The following FANCA variants were observed in gnomAD, a reference collection of about 807,000 sequenced individuals.
The protein encoded by FANCA is Fanconi anemia group A protein.
A neutral mutation model predicts 194.3 loss-of-function variants in FANCA; 236 were observed. The ratio of observed to expected loss-of-function variants is 1.21; its 90% CI spans 1.09 to 1.35. The LOEUF (loss-of-function observed/expected upper bound fraction) is 1.35. FANCA is among the 40% of genes most tolerant of loss of function. The pLI is 0.00. For synonymous variants in FANCA, 1,014 were observed against 715.8 expected (o/e 1.42, Z -6.65); for missense variants, 2,628 against 1,813.9 (o/e 1.45, Z -8.15).
Position 89,745,055 on chromosome 16 carries a change from A to G in FANCA, c.3530T>C (p.Leu1177Pro). The change falls in exon 36 of 43, where the codon CTG becomes CCG. Residue 1177 changes from leucine (L) to proline (P), a missense_variant. Leu to Pro is a moderately conservative substitution (Grantham distance 98). Transcript: ENST00000389301. ...CCACCGGCAGAGCAGCACAGGCTCC[A>G]GGCTCGGCCACCACACCTATGGAGA... ...LTSALVWWPS[L>P]EPVLLCRWRR... 1 of 1,606,866 alleles carries G rather than the reference A, an allele frequency of 6.2e-7. No individual in the cohort carries two copies. Among genetic ancestry groups the G allele is most frequent in the Admixed American group, 1.7e-5 (1 of 59,768 alleles).
chr16:89,791,914 C>T lies in FANCA; in HGVS notation c.1225+13G>A, dbSNP rs201201281. ...CTCTTGACCAGCACCACCGGGCTCG[C>T]GTAAAAGCTCACCTTCAAGCAGCTG... On this transcript the variant is annotated intron_variant, in intron 13 of 42. Coordinates refer to ENST00000389301, the MANE Select transcript of FANCA (RefSeq NM_000135.4). 2.6e-5 allele frequency: 42 copies of T among 1,614,088 alleles called. No individual in the cohort carries two copies. The highest frequency in any genetic ancestry group is 6.7e-5 in the Admixed American group (4 of 60,006).
intron 28 of FANCA, among the ~76,000 whole-genome samples, chr16:89,763,930 A>C (rs1381329606): frequency 6.8e-6 from 1 of 146,426 alleles, no homozygotes; most frequent in Non-Finnish European, 1.5e-5. Flanking sequence ...GAAAAAAAAA[A>C]CAAAACAACA....
At position 89,738,058 on chromosome 16, in the gene FANCA, G is replaced by C. The variant is rs1453866671; in HGVS notation, c.*543C>G. 6.8e-6 allele frequency: 11 copies of C among 1,614,116 alleles called. No individual in the cohort carries two copies. Among genetic ancestry groups the C allele is most frequent in the South Asian group, 5.5e-5 (5 of 91,084 alleles). On this transcript the variant is annotated 3_prime_UTR_variant, in exon 43 of 43. Coordinates refer to ENST00000389301, the MANE Select transcript of FANCA (RefSeq NM_000135.4). ...CAAACACAAGGCTGAGACTGAGCTGGACTTTGCCTGTGACCAGTGTGGCCG... is the reference window on the plus strand; with the variant it reads ...CAAACACAAGGCTGAGACTGAGCTGCACTTTGCCTGTGACCAGTGTGGCCG...
Position 89,798,931 on chromosome 16 carries a change from G to A in FANCA, c.893+235C>T, listed in dbSNP as rs2040342799. 3 of 1,607,346 alleles carry A rather than the reference G, an allele frequency of 1.9e-6. No homozygotes were observed. The Admixed American group carries it at 5.0e-5, about 27-fold the overall frequency. The stretch of plus-strand genomic sequence containing the variant: ...GTGCAGGACTTCCAGAGGCGGAACA[G>A]GATACTGCAGTGGGCGCACCTTCCG... On this transcript the variant is annotated intron_variant, in intron 10 of 42. Coordinates refer to ENST00000389301, the MANE Select transcript of FANCA (RefSeq NM_000135.4).
intron 36 of FANCA, 80 bp downstream of exon 36, chr16:89,744,879 C>G (rs1003944090): frequency 4.6e-6 from 6 of 1,310,422 alleles, no homozygotes; most frequent in Non-Finnish European, 6.5e-6. Context: ...TCAAGCAAGC[C>G]AGGGTGTTTA....
chr16:89,767,136 C>A lies in FANCA; in HGVS notation c.2601+5G>T. ...AATGGAAAAATAGGAAAAGAGTGAA[C>A]CTACCTTTTTAATAAGGCCTGGAGA... On this transcript the variant is annotated splice_donor_5th_base_variant and intron_variant, in intron 27 of 42. Coordinates refer to ENST00000389301, the MANE Select transcript of FANCA (RefSeq NM_000135.4). 1.9e-6 allele frequency: 3 copies of A among 1,603,716 alleles called. No individual in the cohort carries two copies. The highest frequency in any genetic ancestry group is 2.6e-6 in the Non-Finnish European group (3 of 1,170,618).
intron 8 of FANCA, 129 bp downstream of exon 8, chr16:89,803,130 A>G (rs1241053626): frequency 2.2e-6 from 2 of 896,278 alleles, no homozygotes; most frequent in Admixed American, 3.6e-5. Flanking sequence ...TGCACAAAAC[A>G]AGTATCACAT....
intron 10 of FANCA, chr16:89,798,849 G>C: frequency 6.6e-7 from 1 of 1,513,964 alleles, no homozygotes; most frequent in South Asian, 1.3e-5. Flanking sequence ...CCCAGGGAAG[G>C]AGGAGCAAGG....
intron 33 of FANCA, among the ~76,000 whole-genome samples, chr16:89,747,865 C>T (rs2038444875): frequency 6.6e-6 from 1 of 152,122 alleles, no homozygotes; most frequent in African/African-American, 2.4e-5. Context: ...ATCCGTCTCC[C>T]CAGCTCTGAC....
intron 6 of FANCA, among the ~76,000 whole-genome samples, chr16:89,806,217 C>T (rs1482545247): frequency 1.3e-5 from 2 of 152,122 alleles, no homozygotes; most frequent in Non-Finnish European, 2.9e-5. Context: ...CTGGCCTTGG[C>T]CTGAACCTTA....
intron 7 of FANCA, 99 bp from the exon 8 acceptor site, chr16:89,803,440 T>G: frequency 8.9e-7 from 1 of 1,124,518 alleles, no homozygotes; most frequent in Non-Finnish European, 1.4e-6. Context: ...GGTGAGCATA[T>G]GGCTTGGGCC....
intron 28 of FANCA, among the ~76,000 whole-genome samples, chr16:89,763,867 A>G (rs927108473): frequency 6.6e-6 from 1 of 151,022 alleles, no homozygotes; most frequent in African/African-American, 2.4e-5. Flanking sequence ...AGAGAGGCAG[A>G]GGCTGCAGTG....
chr16:89,754,651 G>A (rs1348142968), intron 30 of FANCA, among the ~76,000 whole-genome samples: 2 of 152,130 alleles, frequency 1.3e-5, no homozygotes, highest in East Asian at 1.9e-4. Context: ...TTACAGGCAT[G>A]AGCCACCATG....
At chr16:89,745,933 C>G (rs1207237875) in intron 35 of FANCA, among the ~76,000 whole-genome samples, 1 of 152,232 alleles carries the variant, frequency 6.6e-6, no homozygotes, top group African/African-American at 2.4e-5. Flanking sequence ...TGAGCTACAA[C>G]TCGGTGCAAA....
At chr16:89,791,608 G>C in intron 13 of FANCA, 72 bp from the exon 14 acceptor site, 1 of 1,596,088 alleles carries the variant, frequency 6.3e-7, no homozygotes, top group African/African-American at 1.3e-5. Context: ...AGTTATGCTG[G>C]GTGATCAAGT....
At position 89,791,396 on chromosome 16, in the gene FANCA, C is replaced by T. The variant is rs749311482; in HGVS notation, c.1359+7G>A. 2 of 1,613,528 alleles carry T rather than the reference C, an allele frequency of 1.2e-6. No homozygotes were observed. Among genetic ancestry groups the T allele is most frequent in the Non-Finnish European group, 1.7e-6 (2 of 1,179,756 alleles). ...GGTATTAGGTAGCCGATTGGCAGGT[C>T]ACTTACCTTGAACCAGTCTGCATAT... On this transcript the variant is annotated splice_region_variant and intron_variant, in intron 14 of 42. Coordinates refer to ENST00000389301, the MANE Select transcript of FANCA (RefSeq NM_000135.4).
intron 20 of FANCA, 118 bp from the exon 21 acceptor site, chr16:89,775,933 T>C (rs1174189896): frequency 5.0e-6 from 3 of 604,102 alleles, no homozygotes; most frequent in South Asian, 2.0e-5. Context: ...TTATAAATAC[T>C]GTGTACAGTA....
intron 30 of FANCA, among the ~76,000 whole-genome samples, chr16:89,755,212 ATTT>A (rs142867944): frequency 2.8e-5 from 4 of 143,730 alleles, no homozygotes; most frequent in Non-Finnish European, 3.1e-5. Context: ...TCACACAACA[ATTT>A]TTTTTTTTTT....
intron 5 of FANCA, among the ~76,000 whole-genome samples, chr16:89,809,967 A>G (rs2040812834): frequency 6.6e-6 from 1 of 151,912 alleles, no homozygotes; most frequent in South Asian, 2.1e-4. Flanking sequence ...CAGACGTTGC[A>G]GTGAGCCAAG....
Sources: allele counts gnomAD v4.1 joint callset (sites outside exome capture counted in the v4.1 genomes callset), GRCh38; gene constraint gnomAD v4.1.1; transcripts MANE v1.5; gene names NCBI Gene and HGNC (gene_info 2026-07-23, HGNC 2026-07-21).